The following OSBPL10 variants were observed in gnomAD, a reference collection of about 807,000 sequenced individuals.
The protein encoded by OSBPL10 is oxysterol-binding protein-related protein 10.
Under a neutral mutation model 81.7 loss-of-function variants are expected in OSBPL10, and 49 were observed. The ratio of observed to expected loss-of-function variants is 0.60; its 90% CI spans 0.48 to 0.76. OSBPL10 has a LOEUF of 0.76. OSBPL10 is among the 30% of genes least tolerant of loss of function. The pLI is 0.00. For synonymous variants in OSBPL10, 419 were observed against 383.6 expected (o/e 1.09, Z -1.08); for missense variants, 923 against 987.8 (o/e 0.93, Z 0.88).
intron 11 of OSBPL10, chr3:31,663,115 GTA>G (rs1306979672): frequency 4.8e-5 from 47 of 985,230 alleles, no homozygotes; most frequent in Non-Finnish European, 5.4e-5. Flanking sequence ...TCTCAGCCTC[GTA>G]TATAGACAGA....
chr3:32,056,568 T>C (rs926077001), intron 1 of OSBPL10, among the ~76,000 whole-genome samples: 2 of 152,240 alleles, frequency 1.3e-5, no homozygotes, highest in African/African-American at 4.8e-5. Context: ...ACTCAAGAGA[T>C]ACGAATGGCC....
At chr3:32,049,731 A>G (rs988175529) in intron 1 of OSBPL10, among the ~76,000 whole-genome samples, 2 of 152,174 alleles carry the variant, frequency 1.3e-5, no homozygotes, top group Admixed American at 6.5e-5. Flanking sequence ...CATGTACAAG[A>G]TTATGGGACA....
intron 2 of OSBPL10, among the ~76,000 whole-genome samples, chr3:32,024,810 T>C (rs1385886103): frequency 6.6e-6 from 1 of 152,214 alleles, no homozygotes; most frequent in Non-Finnish European, 1.5e-5. Context: ...GAATAGTTTG[T>C]TGCTAGAACA....
intron 1 of OSBPL10, among the ~76,000 whole-genome samples, chr3:31,936,703 T>A (rs947039122): frequency 6.6e-6 from 1 of 151,826 alleles, no homozygotes; most frequent in Non-Finnish European, 1.5e-5. Flanking sequence ...GAAAAAAAAA[T>A]TAAATAGGTC....
intron 7 of OSBPL10, among the ~76,000 whole-genome samples, chr3:31,695,789 C>T (rs1695700990): frequency 6.6e-6 from 1 of 152,160 alleles, no homozygotes; most frequent in South Asian, 2.1e-4. Flanking sequence ...CTTCTCAAAC[C>T]TCTAATAACC....
intron 1 of OSBPL10, among the ~76,000 whole-genome samples, chr3:31,913,233 T>G (rs1185928725): frequency 2.1e-5 from 3 of 144,496 alleles, no homozygotes; most frequent in Non-Finnish European, 3.1e-5. Context: ...ACTAGGTTTT[T>G]TTTTTTATTT....
At chr3:31,860,150 A>T (rs535936828) in intron 3 of OSBPL10, among the ~76,000 whole-genome samples, 3 of 151,780 alleles carry the variant, frequency 2.0e-5, no homozygotes, top group African/African-American at 7.3e-5. Flanking sequence ...CTGTGCCCTA[A>T]AAGGCCTTGT....
At chr3:31,904,705 T>C (rs1380944372) in intron 1 of OSBPL10, among the ~76,000 whole-genome samples, 1 of 152,118 alleles carries the variant, frequency 6.6e-6, no homozygotes, top group Non-Finnish European at 1.5e-5. Flanking sequence ...AAACAGAGGA[T>C]AGAGCGGGCT....
chr3:31,854,949 A>G (rs960649267), intron 3 of OSBPL10, among the ~76,000 whole-genome samples: 1 of 152,166 alleles, frequency 6.6e-6, no homozygotes. Context: ...AATTAATTCC[A>G]TGTCAGTGTA....
Position 31,837,321 on chromosome 3 carries a change from TTATATA to T in OSBPL10, c.538-7096_538-7091del, listed in dbSNP as rs59797512. Among the ~76,000 whole-genome samples, 576 of 57,986 alleles carry T rather than the reference TTATATA, an allele frequency of 9.9e-3. 5 individuals are homozygous for T. Among genetic ancestry groups the T allele is most frequent in the Middle Eastern group, 0.044 (4 of 90 alleles). 38.0% of individuals were successfully genotyped at this position (57,986 alleles called of 152,430 possible). A position where few individuals can be genotyped will look rare whatever the true frequency, so the allele number is the denominator to read the frequency against. On this transcript the variant is annotated intron_variant, in intron 3 of 11. Transcript: ENST00000396556. ...ATTCCTAGAATTACAGATCCCCAAA[TTATATA>T]TATATATATATATATATATATATAT... is the stretch of plus-strand genomic sequence containing the variant.
intron 3 of OSBPL10, among the ~76,000 whole-genome samples, chr3:31,858,339 T>G (rs998578913): frequency 6.6e-6 from 1 of 152,036 alleles, no homozygotes; most frequent in African/African-American, 2.4e-5. Flanking sequence ...TTTAATAAAT[T>G]AAATTTCTCT....
chr3:31,988,964 C>T, intron 2 of OSBPL10: 1 of 1,405,316 alleles, frequency 7.1e-7, no homozygotes, highest in Non-Finnish European at 9.7e-7. Flanking sequence ...TGTTTGTTGC[C>T]TTAAGCCACG....
At chr3:31,761,418 GC>G (rs1312791689) in intron 4 of OSBPL10, among the ~76,000 whole-genome samples, 1 of 148,516 alleles carries the variant, frequency 6.7e-6, no homozygotes, top group East Asian at 2.0e-4. Context: ...GTTGCAGTGA[GC>G]CAAGACCACA....
intron 4 of OSBPL10, among the ~76,000 whole-genome samples, chr3:31,766,347 G>T (rs6550068): frequency 0.34 from 11,145 of 32,480 alleles, 1,541 homozygotes; most frequent in African/African-American, 0.49. Context: ...GTTTTTTTTT[G>T]TTTTTTTTTT....
At chr3:31,697,694 C>T (rs1428631280) in intron 7 of OSBPL10, among the ~76,000 whole-genome samples, 1 of 152,144 alleles carries the variant, frequency 6.6e-6, no homozygotes, top group Non-Finnish European at 1.5e-5. Context: ...GCAGTATCTT[C>T]GATGCACATC....
intron 4 of OSBPL10, among the ~76,000 whole-genome samples, chr3:31,766,378 C>G (rs1317515415): frequency 6.9e-6 from 1 of 144,206 alleles, no homozygotes; most frequent in Non-Finnish European, 1.5e-5. Context: ...CTCACTTCAT[C>G]ACCACCCAAG....
At chr3:31,798,000 T>C (rs527431323) in intron 4 of OSBPL10, among the ~76,000 whole-genome samples, 1 of 152,304 alleles carries the variant, frequency 6.6e-6, no homozygotes, top group African/African-American at 2.4e-5. Flanking sequence ...GGTCCGGGCA[T>C]AAGGAGCTAT....
At chr3:31,842,425 G>C (rs1575578345) in intron 3 of OSBPL10, among the ~76,000 whole-genome samples, 1 of 152,202 alleles carries the variant, frequency 6.6e-6, no homozygotes, top group African/African-American at 2.4e-5. Context: ...TTGGCTAACA[G>C]GTGTCAATAC....
At chr3:32,054,523 T>C (rs1319093113) in intron 1 of OSBPL10, among the ~76,000 whole-genome samples, 1 of 122,620 alleles carries the variant, frequency 8.2e-6, no homozygotes, top group Non-Finnish European at 1.7e-5. Flanking sequence ...TGGTCAATGG[T>C]GGCTTTTTTT....
Sources: gnomAD v4.1 joint callset for allele counts (sites outside exome capture counted in the v4.1 genomes callset) on GRCh38, gnomAD v4.1.1 for gene constraint, MANE v1.5 for transcripts, NCBI Gene and HGNC (gene_info 2026-07-23, HGNC 2026-07-21) for gene names.